The following UTRN variants were observed in gnomAD, a reference collection of about 807,000 sequenced individuals.
The protein encoded by UTRN is utrophin.
UTRN carries 283 observed loss-of-function variants against 463.9 expected under a neutral mutation model. The ratio of observed to expected loss-of-function variants is 0.61; its 90% confidence interval spans 0.55 to 0.67. UTRN has a LOEUF of 0.67. UTRN is among the 30% of genes least tolerant of loss of function. The probability of loss-of-function intolerance (pLI) is 0.00; values close to 1 mark genes in which losing one functional copy is unlikely to be tolerated. For synonymous variants in UTRN, 1,442 were observed against 1,431.5 expected (o/e 1.01, Z -0.17); for missense variants, 3,922 against 4,084.3 (o/e 0.96, Z 1.08).
At chr6:144,648,782 G>A (rs1210569574) in intron 51 of UTRN, among the ~76,000 whole-genome samples, 3 of 152,146 alleles carry the variant, frequency 2.0e-5, no homozygotes, top group Non-Finnish European at 4.4e-5. Context: ...TCAAGATCAT[G>A]TCTTTCTTTT....
intron 51 of UTRN, chr6:144,659,830 T>C (rs1273756741): frequency 6.5e-6 from 1 of 154,438 alleles, no homozygotes; most frequent in African/African-American, 2.4e-5. Context: ...TTTTGCTGTA[T>C]GTAATTGAGA....
chr6:144,597,252 A>AAAAAAAGG (rs1217848261), intron 51 of UTRN, among the ~76,000 whole-genome samples: 1 of 151,582 alleles, frequency 6.6e-6, no homozygotes, highest in Non-Finnish European at 1.5e-5. Context: ...AAAAAAAAAA[A>AAAAAAAGG]GTGCCTTAAC....
At chr6:144,723,144 C>T (rs1475549856) in intron 53 of UTRN, among the ~76,000 whole-genome samples, 1 of 152,032 alleles carries the variant, frequency 6.6e-6, no homozygotes, top group Non-Finnish European at 1.5e-5. Context: ...CAGATCAGTT[C>T]CTTATTTATC....
intron 23 of UTRN, among the ~76,000 whole-genome samples, chr6:144,464,434 T>C (rs1789727956): frequency 6.6e-6 from 1 of 151,990 alleles, no homozygotes; most frequent in African/African-American, 2.4e-5. Flanking sequence ...TAGATGGAGA[T>C]CTCATTCAAA....
chr6:144,820,690 A>G (rs899830051), intron 65 of UTRN, among the ~76,000 whole-genome samples, 192 bp from the exon 66 acceptor site: 1 of 152,230 alleles, frequency 6.6e-6, no homozygotes, highest in African/African-American at 2.4e-5. Context: ...GTATAAACAT[A>G]TCACTGGATA....
At chr6:144,347,124 C>T (rs1777654927) in intron 2 of UTRN, among the ~76,000 whole-genome samples, 1 of 152,018 alleles carries the variant, frequency 6.6e-6, no homozygotes, top group Admixed American at 6.5e-5. Context: ...CCTGGGAGCC[C>T]TGCTCGTTTT....
At chr6:144,612,746 T>C (rs115367156) in intron 51 of UTRN, among the ~76,000 whole-genome samples, 1,916 of 152,182 alleles carry the variant, frequency 0.013, 46 homozygotes, top group African/African-American at 0.043. Flanking sequence ...AACTCATATA[T>C]TGTGAGTGGG....
At chr6:144,671,765 C>T (rs952114213) in intron 51 of UTRN, among the ~76,000 whole-genome samples, 5 of 152,040 alleles carry the variant, frequency 3.3e-5, no homozygotes, top group Admixed American at 6.6e-5. Context: ...TTTAACTTTT[C>T]CCCATTAAGT....
intron 63 of UTRN, among the ~76,000 whole-genome samples, chr6:144,795,429 T>C (rs949269462): frequency 6.6e-6 from 1 of 152,234 alleles, no homozygotes; most frequent in Non-Finnish European, 1.5e-5. Flanking sequence ...TGGTTCTATA[T>C]CCTTGAGGAA....
intron 2 of UTRN, among the ~76,000 whole-genome samples, chr6:144,351,344 A>G (rs555992409): frequency 6.6e-6 from 1 of 152,342 alleles, no homozygotes; most frequent in South Asian, 2.1e-4. Flanking sequence ...GCACCATCAT[A>G]TTGAAAATTT....
intron 2 of UTRN, among the ~76,000 whole-genome samples, chr6:144,353,195 A>G (rs1481398766): frequency 2.7e-5 from 4 of 150,442 alleles, no homozygotes; most frequent in Admixed American, 2.0e-4. Flanking sequence ...GCTCACTGCA[A>G]CCTCCCCTTC....
chr6:144,687,818 T>G (rs1308414677), intron 52 of UTRN, among the ~76,000 whole-genome samples: 1 of 152,206 alleles, frequency 6.6e-6, no homozygotes, highest in Non-Finnish European at 1.5e-5. Context: ...GCCTGATGAC[T>G]ATATGCTTTG....
intron 52 of UTRN, among the ~76,000 whole-genome samples, chr6:144,690,615 A>C (rs1783300444): frequency 6.6e-6 from 1 of 152,154 alleles, no homozygotes; most frequent in Admixed American, 6.5e-5. Context: ...CCCGTGCCTG[A>C]GTTAATTGGC....
At chr6:144,321,834 C>G (rs1775675778) in intron 2 of UTRN, among the ~76,000 whole-genome samples, 2 of 150,006 alleles carry the variant, frequency 1.3e-5, no homozygotes, top group African/African-American at 2.4e-5. Flanking sequence ...GGCGTGATCT[C>G]CACTCATTGC....
intron 51 of UTRN, among the ~76,000 whole-genome samples, chr6:144,639,667 T>C (rs1307626840): frequency 6.6e-6 from 1 of 151,130 alleles, no homozygotes; most frequent in Non-Finnish European, 1.5e-5. Flanking sequence ...AAATACACAG[T>C]CTTATTGCTT....
At chr6:144,414,838 C>T (rs1784235352) in intron 3 of UTRN, among the ~76,000 whole-genome samples, 1 of 151,984 alleles carries the variant, frequency 6.6e-6, no homozygotes, top group Admixed American at 6.6e-5. Flanking sequence ...GCCTCAGCCT[C>T]CTGCGTAGCT....
chr6:144,566,144 C>G (rs907301321), intron 50 of UTRN, among the ~76,000 whole-genome samples: 1 of 152,092 alleles, frequency 6.6e-6, no homozygotes, highest in Non-Finnish European at 1.5e-5. Context: ...TTTAGATGTA[C>G]GTGAACTAGA....
chr6:144,293,983 A>G (rs1804470336), intron 2 of UTRN, among the ~76,000 whole-genome samples: 1 of 152,090 alleles, frequency 6.6e-6, no homozygotes, highest in African/African-American at 2.4e-5. Flanking sequence ...AGTCATTTAT[A>G]TGAAAAATGT....
intron 2 of UTRN, among the ~76,000 whole-genome samples, 168 bp downstream of exon 2, chr6:144,292,075 G>A (rs1804296255): frequency 6.6e-6 from 1 of 152,206 alleles, no homozygotes; most frequent in African/African-American, 2.4e-5. Context: ...TATGTAAAAG[G>A]TATAATATCT....
Sources: gnomAD v4.1 joint callset for allele counts (sites outside exome capture counted in the v4.1 genomes callset) on GRCh38, gnomAD v4.1.1 for gene constraint, MANE v1.5 for transcripts, NCBI Gene and HGNC (gene_info 2026-07-23, HGNC 2026-07-21) for gene names.